Variants in CHDH observed in about 807,000 individuals in gnomAD.
The protein encoded by CHDH is choline dehydrogenase.
CHDH carries 43 observed loss-of-function variants against 56.9 expected under a neutral mutation model. The observed-to-expected ratio is 0.76, with a 90% CI of 0.59 to 0.97. The LOEUF (loss-of-function observed/expected upper bound fraction) is 0.97. Among genes scored for constraint, CHDH ranks in the 50% least tolerant of loss-of-function variants. The pLI, the probability that CHDH is intolerant of heterozygous loss-of-function variation, is 0.00. For synonymous variants in CHDH, 364 were observed against 348.5 expected, an observed-to-expected ratio of 1.04 and a Z score of -0.50; for missense variants, 816 against 821.1, an observed-to-expected ratio of 0.99 and a Z score of 0.08.
intron 1 of CHDH, among the ~76,000 whole-genome samples, chr3:53,843,032 T>A (rs1196136377): frequency 6.6e-6 from 1 of 152,144 alleles, no homozygotes; most frequent in East Asian, 1.9e-4. Context: ...AAATTCCACC[T>A]GTGTGGGTGG....
At chr3:53,833,813 C>T (rs1317051469) in intron 2 of CHDH, among the ~76,000 whole-genome samples, 1 of 152,156 alleles carries the variant, frequency 6.6e-6, no homozygotes, top group Admixed American at 6.5e-5. Flanking sequence ...GAAGAACAGA[C>T]TTTTGCCTGC....
intron 2 of CHDH, among the ~76,000 whole-genome samples, chr3:53,838,342 G>T (rs776376858): frequency 2.0e-5 from 3 of 152,190 alleles, no homozygotes; most frequent in African/African-American, 4.8e-5. Context: ...TAGACTAGGG[G>T]ATGGGGGATA....
rs537737347 is a variant in CHDH at position 53,817,097 on chromosome 3, A to T, written c.*680T>A. On this transcript the variant is annotated 3_prime_UTR_variant, in exon 9 of 9. Coordinates refer to ENST00000315251, the MANE Select transcript of CHDH (RefSeq NM_018397.5). ...CAAGTGACCTTCCCAAAGTGCTGGG[A>T]TTACAGGTGTGAGCCCTGCACCTGG... 6.6e-6 allele frequency: 1 copy of T among 152,554 alleles called. No individual in the cohort carries two copies. The highest frequency in any genetic ancestry group is 2.4e-5 in the African/African-American group (1 of 41,548). 9.5% of individuals were successfully genotyped at this position (152,554 alleles called of 1,614,324 possible). A position where few individuals can be genotyped will look rare whatever the true frequency, so the allele number is the denominator to read the frequency against.
intron 2 of CHDH, among the ~76,000 whole-genome samples, chr3:53,825,350 A>G (rs894239280): frequency 6.6e-6 from 1 of 152,264 alleles, no homozygotes; most frequent in African/African-American, 2.4e-5. Context: ...TCAAACAGGG[A>G]CTTTAACCAA....
chr3:53,841,337 G>A (rs557387524), intron 1 of CHDH, among the ~76,000 whole-genome samples: 2 of 152,236 alleles, frequency 1.3e-5, no homozygotes, highest in East Asian at 1.9e-4. Context: ...TGTCTGCTGC[G>A]CCGACTCCAG....
At chr3:53,837,529 C>T (rs887071699) in intron 2 of CHDH, among the ~76,000 whole-genome samples, 1 of 152,258 alleles carries the variant, frequency 6.6e-6, no homozygotes, top group East Asian at 1.9e-4. Context: ...GCAGGGTTTC[C>T]TGTTGGTAAG....
intron 2 of CHDH, among the ~76,000 whole-genome samples, chr3:53,834,545 T>G (rs1008989354): frequency 6.6e-6 from 1 of 152,242 alleles, no homozygotes; most frequent in Middle Eastern, 3.2e-3. Context: ...GATTTCCATG[T>G]AATTTTGAGC....
chr3:53,819,408 C>T lies in CHDH; in HGVS notation c.1263+124G>A, dbSNP rs1468086669. 3.1e-6 allele frequency: 4 copies of T among 1,299,358 alleles called. No homozygotes were observed. The South Asian group carries it at 5.7e-5, about 19-fold the overall frequency. The allele number at this position is 1,299,358 out of a possible 1,614,324, so 80.5% of individuals were successfully genotyped here. The stretch of plus-strand genomic sequence containing the variant: ...GGCAGCTGGAAGGCAGGGGACAGGC[C>T]TCTGTGTCCCCCACTCTGCAGCCAT... On this transcript the variant is annotated intron_variant, in intron 7 of 8. Coordinates refer to ENST00000315251, the MANE Select transcript of CHDH (RefSeq NM_018397.5). This position sits in a 1 kb window ranked among gnomAD's most constrained non-coding sequence, Gnocchi z 5.4.
At chr3:53,836,664 G>A (rs1698505360) in intron 2 of CHDH, among the ~76,000 whole-genome samples, 2 of 152,232 alleles carry the variant, frequency 1.3e-5, no homozygotes, top group Admixed American at 6.5e-5. Context: ...AGCTTGGCCT[G>A]AGGCTGGCGC....
At chr3:53,835,918 C>T (rs981836192) in intron 2 of CHDH, among the ~76,000 whole-genome samples, 3 of 152,164 alleles carry the variant, frequency 2.0e-5, no homozygotes, top group African/African-American at 7.2e-5. Context: ...AAGGCTGGGA[C>T]CCCCTCCACC....
chr3:53,831,651 G>A (rs568397256), intron 2 of CHDH, among the ~76,000 whole-genome samples: 3 of 152,206 alleles, frequency 2.0e-5, no homozygotes, highest in African/African-American at 7.2e-5. Flanking sequence ...TATCTGATAA[G>A]AGGTTAATAT....
chr3:53,838,583 A>G (rs115708028), intron 2 of CHDH, among the ~76,000 whole-genome samples: 354 of 152,304 alleles, frequency 2.3e-3, no homozygotes, highest in African/African-American at 7.9e-3. Context: ...CAAAAGAAAG[A>G]CAACTGCTGT....
In CHDH at chr3:53,821,634, G is replaced by A. The variant is rs1244738731; in HGVS notation, c.985+13C>T. 6.2e-7 allele frequency: 1 copy of A among 1,612,114 alleles called. No homozygotes were observed. The highest frequency in any genetic ancestry group is 2.2e-5 in the East Asian group (1 of 44,898). ...GAGACAGCCTCTGGGGAGCAGTAAA[G>A]AAGGGGACTCACCAGGTAGGTGGCA... is the stretch of plus-strand genomic sequence containing the variant. On this transcript the variant is annotated intron_variant, in intron 5 of 8. Coordinates refer to ENST00000315251, the MANE Select transcript of CHDH (RefSeq NM_018397.5).
intron 8 of CHDH, 76 bp from the exon 9 acceptor site, chr3:53,818,271 G>A (rs1373762856): frequency 8.2e-6 from 11 of 1,343,810 alleles, no homozygotes; most frequent in Middle Eastern, 1.9e-4. Flanking sequence ...ACGGCATGGA[G>A]AGGCTCTGTA....
In CHDH at chr3:53,814,093, A is replaced by G. The variant is rs1055104595; in HGVS notation, c.*3684T>C. On this transcript the variant is annotated 3_prime_UTR_variant, in exon 9 of 9. Coordinates refer to ENST00000315251, the MANE Select transcript of CHDH (RefSeq NM_018397.5). ...CCAGGCGTGGTGGGCTGTGAGGGCC[A>G]CGTTACCTCTCGGTGCAGTCTCACC... The G allele has an allele frequency of 6.6e-6, 1 of 151,552 alleles. No individual in the cohort carries two copies. Among genetic ancestry groups the G allele is most frequent in the Admixed American group, 6.6e-5 (1 of 15,234 alleles). The allele number at this position is 151,552 out of a possible 1,614,324, so 9.4% of individuals were successfully genotyped here.
chr3:53,821,657 G>C lies in CHDH; in HGVS notation c.975C>G (p.Cys325Trp). Residue 325 changes from cysteine to tryptophan, a missense_variant, in exon 5 of 9, where the codon TGC becomes TGG. Coordinates refer to ENST00000315251, the MANE Select transcript of CHDH (RefSeq NM_018397.5). The part of the protein sequence containing the change: ...DLKKLGIPVV[C>W]HLPGVGQNLQ... ...AAGAAGGGGACTCACCAGGTAGGTG[G>C]CACACCACAGGGATGCCCAGTTTCT... The C allele has an allele frequency of 6.2e-7, 1 of 1,613,670 alleles. No homozygotes were observed. Among genetic ancestry groups the C allele is most frequent in the East Asian group, 2.2e-5 (1 of 44,886 alleles).
intron 1 of CHDH, among the ~76,000 whole-genome samples, chr3:53,844,159 G>A (rs1379844976): frequency 3.9e-5 from 6 of 152,160 alleles, no homozygotes; most frequent in Admixed American, 3.9e-4. Flanking sequence ...AGGGGGCCAG[G>A]GCAGTGTCAT....
intron 2 of CHDH, among the ~76,000 whole-genome samples, chr3:53,828,150 C>T (rs1013396213): frequency 6.5e-5 from 9 of 138,686 alleles, no homozygotes; most frequent in African/African-American, 2.3e-4. Flanking sequence ...ACAAAGGGAG[C>T]TGGAATAACT....
chr3:53,839,099 G>A (rs933982697), intron 2 of CHDH, among the ~76,000 whole-genome samples: 1 of 152,190 alleles, frequency 6.6e-6, no homozygotes, highest in Non-Finnish European at 1.5e-5. Flanking sequence ...AAAAGATATG[G>A]GCGAGGGTCA....
Sources: gnomAD v4.1 joint callset for allele counts (sites outside exome capture counted in the v4.1 genomes callset) on GRCh38, gnomAD v4.1.1 for gene constraint, Gnocchi (gnomAD v3.1) non-coding constraint, MANE v1.5 for transcripts, NCBI Gene and HGNC (gene_info 2026-07-23, HGNC 2026-07-21) for gene names.